FILIP1: variants seen among roughly 807,000 people sequenced by gnomAD.
The protein encoded by FILIP1 is filamin A interacting protein 1, also known as filamin-A-interacting protein 1.
Under a neutral mutation model 102.1 loss-of-function variants are expected in FILIP1, and 61 were observed. That is an observed-to-expected ratio of 0.60 (90% confidence interval 0.49 to 0.74). The LOEUF is 0.74. FILIP1 is among the 30% of genes least tolerant of loss of function. FILIP1 has a pLI of 0.00. For missense variants in FILIP1, 1,314 were observed against 1,441.2 expected, an observed-to-expected ratio of 0.91 and a Z score of 1.43; for synonymous variants, 491 against 526.9, an observed-to-expected ratio of 0.93 and a Z score of 0.93.
In FILIP1 at chr6:75,467,815, T is replaced by C. The variant is rs184910559; in HGVS notation, c.-7+25599A>G. Among the ~76,000 whole-genome samples, 377 of 151,402 alleles carry C rather than the reference T, an allele frequency of 2.5e-3. 2 individuals carry two copies. Among genetic ancestry groups the C allele is most frequent in the African/African-American group, 8.7e-3 (359 of 41,204 alleles). On this transcript the variant is annotated intron_variant, in intron 1 of 5. Transcript: ENST00000237172. ...CCAGCTCAAAACAAGAATAGGAGAGTGCTGCTAATAAATGTTGGGAATGGA... is the reference window on the plus strand; with the variant it reads ...CCAGCTCAAAACAAGAATAGGAGAGCGCTGCTAATAAATGTTGGGAATGGA...
downstream of FILIP1, among the ~76,000 whole-genome samples, chr6:75,307,270 G>A (rs1773015785): frequency 6.6e-6 from 1 of 152,176 alleles, no homozygotes; most frequent in Admixed American, 6.5e-5. Context: ...GGAACTCAGA[G>A]AAGAGCTTCG....
chr6:75,410,706 T>C (rs538938576), intron 2 of FILIP1, among the ~76,000 whole-genome samples: 29 of 152,294 alleles, frequency 1.9e-4, no homozygotes, highest in African/African-American at 6.7e-4. Context: ...GCTTCATCCA[T>C]GTCCCTGCAA....
At chr6:75,468,238 G>T (rs182429320) in intron 1 of FILIP1, among the ~76,000 whole-genome samples, 4 of 152,156 alleles carry the variant, frequency 2.6e-5, no homozygotes, top group African/African-American at 4.8e-5. Context: ...AGCCTAATAA[G>T]GAGTGTCAGC....
At chr6:75,437,868 T>G in intron 1 of FILIP1, among the ~76,000 whole-genome samples, 1 of 152,216 alleles carries the variant, frequency 6.6e-6, no homozygotes, top group East Asian at 1.9e-4. Flanking sequence ...GTGCCTTAGT[T>G]TCTCCAATCT....
intron 1 of FILIP1, among the ~76,000 whole-genome samples, chr6:75,426,476 C>T (rs901589621): frequency 1.6e-4 from 24 of 152,088 alleles, no homozygotes; most frequent in Non-Finnish European, 2.2e-4. Flanking sequence ...GAGGTGATAG[C>T]GATGAATGCC....
chr6:75,331,229 T>G (rs1184445994), intron 4 of FILIP1, among the ~76,000 whole-genome samples: 5 of 152,150 alleles, frequency 3.3e-5, no homozygotes, highest in African/African-American at 1.2e-4. Flanking sequence ...TTAGTCACAA[T>G]AAAAATTAAA....
chr6:75,301,887 A>G (rs965195549), intron 6 of FILIP1, among the ~76,000 whole-genome samples: 2 of 152,100 alleles, frequency 1.3e-5, no homozygotes, highest in Admixed American at 1.3e-4. Flanking sequence ...TCACCCTGAT[A>G]TCTATCCTAA....
At chr6:75,395,764 G>A (rs1184108627) in intron 2 of FILIP1, among the ~76,000 whole-genome samples, 1 of 152,192 alleles carries the variant, frequency 6.6e-6, no homozygotes, top group Non-Finnish European at 1.5e-5. Context: ...AGATATTGTA[G>A]TGACACTTTA....
chr6:75,299,473 T>C (rs1772777134), intron 6 of FILIP1, among the ~76,000 whole-genome samples: 1 of 152,214 alleles, frequency 6.6e-6, no homozygotes, highest in African/African-American at 2.4e-5. Flanking sequence ...GACCCTCTGA[T>C]ATGAAGATGT....
chr6:75,339,362 T>C (rs903546576), intron 4 of FILIP1, among the ~76,000 whole-genome samples: 4 of 152,250 alleles, frequency 2.6e-5, no homozygotes, highest in African/African-American at 9.6e-5. Context: ...TTCATCTATA[T>C]ACATAAACTG....
exon 7 of FILIP1, chr6:75,294,138 C>T (rs1188362880): frequency 6.6e-6 from 1 of 152,096 alleles, no homozygotes; most frequent in African/African-American, 2.4e-5. Context: ...AACTTAAAAC[C>T]TTCCAAGGTT....
At chr6:75,339,021 T>TAA (rs1774335136) in intron 4 of FILIP1, among the ~76,000 whole-genome samples, 1 of 152,228 alleles carries the variant, frequency 6.6e-6, no homozygotes, top group African/African-American at 2.4e-5. Context: ...GAACATCTGT[T>TAA]AAAGTTAGAA....
chr6:75,345,854 G>A (rs1009163099), intron 4 of FILIP1, among the ~76,000 whole-genome samples: 1 of 152,076 alleles, frequency 6.6e-6, no homozygotes, highest in Non-Finnish European at 1.5e-5. Flanking sequence ...ACAAGATGAG[G>A]AACCCCGGGT....
rs187501215 is a variant in FILIP1, at chr6:75,418,962, A to G, written c.-6-3984T>C. ...TATTCTGAGCCTCCCTCTTTTATCT[A>G]TGGTCCTCTCTCCTTTTCATCTGCG... On this transcript the variant is annotated intron_variant, in intron 1 of 5. Coordinates refer to ENST00000237172, the MANE Select transcript of FILIP1 (RefSeq NM_015687.5). 4.1e-4 allele frequency among the ~76,000 whole-genome samples: 63 copies of G among 152,156 alleles called. No individual in the cohort carries two copies. The Middle Eastern group carries it at 0.01, about 25-fold the overall frequency.
intron 2 of FILIP1, among the ~76,000 whole-genome samples, chr6:75,414,066 A>G (rs969125452): frequency 1.3e-5 from 2 of 148,708 alleles, no homozygotes; most frequent in Non-Finnish European, 3.0e-5. Flanking sequence ...GATGATACCC[A>G]CATTTTTATT....
At chr6:75,490,352 A>G (rs1779920117) in intron 1 of FILIP1, among the ~76,000 whole-genome samples, 2 of 152,122 alleles carry the variant, frequency 1.3e-5, no homozygotes, top group Non-Finnish European at 2.9e-5. Flanking sequence ...TTGCTTTGAA[A>G]GTATGATTCC....
At chr6:75,486,425 C>T (rs890128316) in intron 1 of FILIP1, among the ~76,000 whole-genome samples, 1 of 151,918 alleles carries the variant, frequency 6.6e-6, no homozygotes, top group Non-Finnish European at 1.5e-5. Flanking sequence ...TGGAAAAGAG[C>T]CTCTGTTAGC....
chr6:75,461,872 G>A (rs952523013), intron 1 of FILIP1, among the ~76,000 whole-genome samples: 2 of 152,114 alleles, frequency 1.3e-5, no homozygotes, highest in Non-Finnish European at 2.9e-5. Context: ...TGGGGTGTGC[G>A]TGCTCAGAGG....
chr6:75,296,900 C>T (rs1397384606), intron 6 of FILIP1: 1 of 151,716 alleles, frequency 6.6e-6, no homozygotes, highest in Non-Finnish European at 1.5e-5. Context: ...AACTTTATGC[C>T]TTAATGAACA....
Sources: allele counts gnomAD v4.1 joint callset (sites outside exome capture counted in the v4.1 genomes callset), GRCh38; gene constraint gnomAD v4.1.1; transcripts MANE v1.5; gene names NCBI Gene and HGNC (gene_info 2026-07-23, HGNC 2026-07-21).